The following MAGI2 variants were observed in gnomAD, a reference collection of about 807,000 sequenced individuals.
MAGI2 encodes the protein membrane associated guanylate kinase, WW and PDZ domain containing 2.
Under a neutral mutation model 133.3 loss-of-function variants are expected in MAGI2, and 35 were observed. That is an observed-to-expected ratio of 0.26 (90% CI 0.20 to 0.35). The LOEUF (loss-of-function observed/expected upper bound fraction) is 0.35. Ranked by LOEUF, MAGI2 falls within the 10% of genes least tolerant of loss-of-function variation. The pLI is 1.00. For synonymous variants in MAGI2, 729 were observed against 710.6 expected, an observed-to-expected ratio of 1.03 and a Z score of -0.41; for missense variants, 1,636 against 1,863.4, an observed-to-expected ratio of 0.88 and a Z score of 2.25.
At position 78,019,174 on chromosome 7, in the gene MAGI2, G is replaced by A; in HGVS notation, c.*141C>T. Reference sequence around the variant, plus strand: ...GCCGCCCAAGCACACCGGACACGTGGGACTTCACGTCGATGCTCCCAGGCC... The same window carrying A: ...GCCGCCCAAGCACACCGGACACGTGAGACTTCACGTCGATGCTCCCAGGCC... On this transcript the variant is annotated 3_prime_UTR_variant, in exon 22 of 22. Transcript: ENST00000354212. The A allele has an allele frequency of 1.0e-6, 1 of 974,028 alleles. No homozygotes were observed. The highest frequency in any genetic ancestry group is 1.5e-6 in the Non-Finnish European group (1 of 661,842). The allele number at this position is 974,028 out of a possible 1,614,324, so 60.3% of individuals were successfully genotyped here.
intron 1 of MAGI2, among the ~76,000 whole-genome samples, chr7:79,050,529 A>G (rs1038980722): frequency 1.3e-5 from 2 of 152,062 alleles, no homozygotes; most frequent in African/African-American, 2.4e-5. Context: ...AGTGCAGGTG[A>G]GTGCCACCAT....
intron 2 of MAGI2, among the ~76,000 whole-genome samples, chr7:78,862,374 T>C (rs999927530): frequency 1.3e-5 from 2 of 152,184 alleles, no homozygotes; most frequent in African/African-American, 4.8e-5. Context: ...ATGGGAAAAT[T>C]TGCCTTTCAA....
chr7:79,401,447 G>T (rs7811441), intron 1 of MAGI2, among the ~76,000 whole-genome samples: 22,665 of 152,150 alleles, frequency 0.15, 1,910 homozygotes, highest in African/African-American at 0.22. Context: ...ATGTGGGCTT[G>T]TTTCCAGCTG....
At chr7:78,296,765 A>T (rs984737791) in intron 9 of MAGI2, among the ~76,000 whole-genome samples, 2 of 152,122 alleles carry the variant, frequency 1.3e-5, no homozygotes, top group South Asian at 2.1e-4. Context: ...TTATACTTGC[A>T]AATAAATGCA....
At chr7:78,739,062 C>T (rs1477026366) in intron 2 of MAGI2, among the ~76,000 whole-genome samples, 1 of 152,222 alleles carries the variant, frequency 6.6e-6, no homozygotes, top group African/African-American at 2.4e-5. Flanking sequence ...TCAGTGTCTA[C>T]ACCTCAAAGG....
chr7:78,557,097 A>AAAAAAAAAAGAAAG (rs1554473311), intron 3 of MAGI2, among the ~76,000 whole-genome samples: 15 of 138,968 alleles, frequency 1.1e-4, no homozygotes, highest in Middle Eastern at 3.7e-3. Context: ...AAAAAAAAAA[A>AAAAAAAAAAGAAAG]AAAGAAAAAG....
intron 9 of MAGI2, among the ~76,000 whole-genome samples, chr7:78,263,973 A>G (rs542569694): frequency 1.3e-5 from 2 of 152,136 alleles, no homozygotes; most frequent in East Asian, 3.9e-4. Flanking sequence ...CCCCACTAAC[A>G]AGCTGCTCGT....
At chr7:78,334,061 G>C (rs1390431640) in intron 9 of MAGI2, among the ~76,000 whole-genome samples, 1 of 152,176 alleles carries the variant, frequency 6.6e-6, no homozygotes, top group Non-Finnish European at 1.5e-5. Flanking sequence ...GGAAAAACAA[G>C]CCAGAAAACA....
chr7:79,053,214 C>T (rs955770245), intron 1 of MAGI2, among the ~76,000 whole-genome samples: 3 of 152,062 alleles, frequency 2.0e-5, no homozygotes. Context: ...ACCTCGTGAT[C>T]CACCCATCTT....
intron 20 of MAGI2, among the ~76,000 whole-genome samples, chr7:78,117,172 T>C (rs984089157): frequency 6.6e-6 from 1 of 151,898 alleles, no homozygotes; most frequent in Non-Finnish European, 1.5e-5. Flanking sequence ...AGGATTATTC[T>C]ATTTCTCATT....
At chr7:79,163,067 T>C (rs544574034) in intron 1 of MAGI2, among the ~76,000 whole-genome samples, 37 of 152,108 alleles carry the variant, frequency 2.4e-4, no homozygotes, top group Middle Eastern at 6.8e-3. Flanking sequence ...ATATGACTTC[T>C]CCTGTGACAA....
intron 21 of MAGI2, among the ~76,000 whole-genome samples, chr7:78,046,235 A>C (rs1811407034): frequency 6.9e-6 from 1 of 143,906 alleles, no homozygotes; most frequent in South Asian, 2.2e-4. Flanking sequence ...GTCTCTACTA[A>C]AAAAAAAAAA....
intron 1 of MAGI2, among the ~76,000 whole-genome samples, chr7:79,104,004 A>T (rs965557834): frequency 1.3e-5 from 2 of 152,014 alleles, no homozygotes; most frequent in African/African-American, 4.8e-5. Context: ...CCAGCATTTT[A>T]TTTCTTGATT....
At chr7:78,901,167 G>C (rs1224372283) in intron 2 of MAGI2, 1 of 152,132 alleles carries the variant, frequency 6.6e-6, no homozygotes, top group African/African-American at 2.4e-5. Context: ...ATAAGTTTAA[G>C]GAGCAGGGAT....
intron 1 of MAGI2, among the ~76,000 whole-genome samples, chr7:79,011,903 T>A (rs1001306678): frequency 2.1e-5 from 3 of 139,990 alleles, no homozygotes; most frequent in African/African-American, 8.1e-5. Context: ...CTTCCTTCCT[T>A]CCTTCCTTCC....
At chr7:78,175,531 T>C (rs563179508) in intron 14 of MAGI2, among the ~76,000 whole-genome samples, 5 of 152,296 alleles carry the variant, frequency 3.3e-5, no homozygotes, top group Non-Finnish European at 7.4e-5. Context: ...CCACTTCACG[T>C]AGCCTGGTGT....
intron 1 of MAGI2, chr7:79,124,958 C>A: frequency 3.5e-6 from 1 of 282,168 alleles, no homozygotes; most frequent in South Asian, 3.9e-5. Context: ...GAATTAAAAG[C>A]CACGAAAGGT....
chr7:78,670,378 C>G (rs1334612214), intron 2 of MAGI2, among the ~76,000 whole-genome samples: 1 of 152,090 alleles, frequency 6.6e-6, no homozygotes, highest in Admixed American at 6.6e-5. Context: ...TGTGAAGGAC[C>G]TCTTCAAGGA....
At chr7:79,417,453 C>T (rs1846613467) in intron 1 of MAGI2, among the ~76,000 whole-genome samples, 1 of 152,024 alleles carries the variant, frequency 6.6e-6, no homozygotes, top group African/African-American at 2.4e-5. Context: ...ATGACAGCAT[C>T]AGAATTTATC....
Sources: gnomAD v4.1 joint callset for allele counts (sites outside exome capture counted in the v4.1 genomes callset) on GRCh38, gnomAD v4.1.1 for gene constraint, MANE v1.5 for transcripts, NCBI Gene and HGNC (gene_info 2026-07-23, HGNC 2026-07-21) for gene names.